Variants in GRM7 observed in about 807,000 individuals in gnomAD.
GRM7 encodes the protein metabotropic glutamate receptor 7.
Under a neutral mutation model 84.5 loss-of-function variants are expected in GRM7, and 35 were observed. The ratio of observed to expected loss-of-function variants is 0.41; its 90% confidence interval spans 0.32 to 0.55. The LOEUF (loss-of-function observed/expected upper bound fraction) is 0.55. GRM7 is among the 20% of genes least tolerant of loss of function. The pLI, the probability that GRM7 is intolerant of heterozygous loss-of-function variation, is 0.19. For missense variants in GRM7, 1,003 were observed against 1,194.6 expected (o/e 0.84, Z 2.36); for synonymous variants, 487 against 455.1 (o/e 1.07, Z -0.89).
intron 5 of GRM7, among the ~76,000 whole-genome samples, chr3:7,416,878 A>T (rs1696182834): frequency 6.6e-6 from 1 of 152,138 alleles, no homozygotes; most frequent in Admixed American, 6.6e-5. Flanking sequence ...GACAGGGTAC[A>T]TTCAAGTGCA....
At chr3:6,932,823 C>T (rs1193365616) in intron 1 of GRM7, among the ~76,000 whole-genome samples, 1 of 144,846 alleles carries the variant, frequency 6.9e-6, no homozygotes, top group East Asian at 2.1e-4. Context: ...GGCGCGATCT[C>T]GGCTCACTGC....
At chr3:7,562,787 A>G (rs1694085942) in intron 7 of GRM7, among the ~76,000 whole-genome samples, 1 of 152,118 alleles carries the variant, frequency 6.6e-6, no homozygotes, top group African/African-American at 2.4e-5. Flanking sequence ...TAAGAGCAAA[A>G]CATCTCAAAG....
intron 1 of GRM7, among the ~76,000 whole-genome samples, chr3:7,128,051 A>G (rs953907475): frequency 6.6e-6 from 1 of 151,698 alleles, no homozygotes; most frequent in Non-Finnish European, 1.5e-5. Context: ...AAAAGACTAG[A>G]AGAGTTCAAA....
chr3:7,075,519 T>C (rs1456944419), intron 1 of GRM7, among the ~76,000 whole-genome samples: 2 of 111,676 alleles, frequency 1.8e-5, no homozygotes, highest in African/African-American at 5.3e-5. Flanking sequence ...TGTGTGTGTG[T>C]GTGTGTGTGT....
Position 7,069,454 on chromosome 3 carries a change from T to C in GRM7, c.520-76998T>C, listed in dbSNP as rs78065106. On this transcript the variant is annotated intron_variant, in intron 1 of 9. Transcript: ENST00000357716. ...ATTGCCTCCCATGGGCCAAACCTAA[T>C]TGAAAGTAAGAGAATTGAGTTAAGG... is the stretch of plus-strand genomic sequence containing the variant. 1.8e-4 allele frequency among the ~76,000 whole-genome samples: 27 copies of C among 152,112 alleles called. No homozygotes were observed. In the East Asian group the frequency reaches 4.3e-3, roughly 24 times the overall value.
intron 7 of GRM7, among the ~76,000 whole-genome samples, chr3:7,578,053 T>C (rs917865293): frequency 2.0e-5 from 3 of 152,282 alleles, no homozygotes; most frequent in Admixed American, 6.5e-5. Flanking sequence ...GACAGTAGAG[T>C]GCATGCCAGT....
At chr3:6,891,847 C>A (rs1029652022) in intron 1 of GRM7, among the ~76,000 whole-genome samples, 34 of 152,298 alleles carry the variant, frequency 2.2e-4, no homozygotes, top group Non-Finnish European at 2.8e-4. Context: ...TGGTTCTATT[C>A]TCCCCGTCAC....
intron 6 of GRM7, among the ~76,000 whole-genome samples, chr3:7,459,823 C>G (rs1382325370): frequency 6.6e-6 from 1 of 152,002 alleles, no homozygotes; most frequent in Non-Finnish European, 1.5e-5. Context: ...GATTTGTTAA[C>G]TTGAAGAGTG....
intron 1 of GRM7, among the ~76,000 whole-genome samples, chr3:6,918,739 A>ACTTC (rs1697023949): frequency 1.3e-5 from 2 of 152,122 alleles, no homozygotes; most frequent in African/African-American, 4.8e-5. Flanking sequence ...ACCTTAGGAG[A>ACTTC]AGATTAAAGG....
chr3:7,531,006 C>T (rs905277913), intron 7 of GRM7, among the ~76,000 whole-genome samples: 3 of 152,126 alleles, frequency 2.0e-5, no homozygotes, highest in Non-Finnish European at 4.4e-5. Flanking sequence ...GTGTTTTAGT[C>T]ATGAAGTCTT....
At chr3:7,484,500 C>T (rs1388111214) in intron 7 of GRM7, among the ~76,000 whole-genome samples, 11 of 152,126 alleles carry the variant, frequency 7.2e-5, no homozygotes, top group Admixed American at 2.6e-4. Flanking sequence ...ATGCTCAGAG[C>T]TGTAAGAACC....
At chr3:6,871,986 T>A (rs1695138385) in intron 1 of GRM7, among the ~76,000 whole-genome samples, 1 of 151,858 alleles carries the variant, frequency 6.6e-6, no homozygotes, top group African/African-American at 2.4e-5. Context: ...CCTTTCCACA[T>A]CAGAGAACAC....
chr3:7,739,853 C>T (rs1702631021), intron 9 of GRM7, among the ~76,000 whole-genome samples: 1 of 152,200 alleles, frequency 6.6e-6, no homozygotes, highest in African/African-American at 2.4e-5. Flanking sequence ...TTATAACTTA[C>T]AGTTAACACT....
intron 1 of GRM7, among the ~76,000 whole-genome samples, chr3:6,956,185 G>A (rs1445946682): frequency 6.6e-6 from 1 of 152,182 alleles, no homozygotes; most frequent in African/African-American, 2.4e-5. Flanking sequence ...CTAAGGCAGG[G>A]ATCACGCATG....
At chr3:6,974,748 G>A (rs1246014606) in intron 1 of GRM7, among the ~76,000 whole-genome samples, 1 of 152,144 alleles carries the variant, frequency 6.6e-6, no homozygotes, top group Non-Finnish European at 1.5e-5. Context: ...CATAACAAGG[G>A]CTGTTGGGGA....
At chr3:7,511,456 C>T (rs1382377334) in intron 7 of GRM7, among the ~76,000 whole-genome samples, 1 of 152,166 alleles carries the variant, frequency 6.6e-6, no homozygotes, top group Non-Finnish European at 1.5e-5. Context: ...TGTGACTGCA[C>T]CACAGACATT....
chr3:7,690,836 G>A (rs1700773581), intron 9 of GRM7, among the ~76,000 whole-genome samples: 1 of 152,186 alleles, frequency 6.6e-6, no homozygotes, highest in Admixed American at 6.5e-5. Context: ...CTTAGAGACT[G>A]TCATTCAGGA....
chr3:7,408,449 G>A (rs1429747983), intron 4 of GRM7, among the ~76,000 whole-genome samples: 1 of 152,136 alleles, frequency 6.6e-6, no homozygotes, highest in Admixed American at 6.5e-5. Flanking sequence ...CAAAAATAAT[G>A]GCTGGTTTCC....
chr3:7,298,864 C>T, intron 3 of GRM7, 39 bp downstream of exon 3: 2 of 1,552,440 alleles, frequency 1.3e-6, no homozygotes, highest in Non-Finnish European at 1.8e-6. Flanking sequence ...ATGCATGTTG[C>T]AATTTTAGGA....
Sources: gnomAD v4.1 joint callset for allele counts (sites outside exome capture counted in the v4.1 genomes callset) on GRCh38, gnomAD v4.1.1 for gene constraint, MANE v1.5 for transcripts, NCBI Gene and HGNC (gene_info 2026-07-23, HGNC 2026-07-21) for gene names.